VRK2: variants seen among roughly 807,000 people sequenced by gnomAD.
The protein encoded by VRK2 is serine/threonine-protein kinase VRK2.
Under a neutral mutation model 57.6 loss-of-function variants are expected in VRK2, and 60 were observed. That is an observed-to-expected ratio of 1.04 (90% CI 0.85 to 1.29). The LOEUF (loss-of-function observed/expected upper bound fraction) is 1.29. Among genes scored for constraint, VRK2 ranks in the 50% most tolerant of loss-of-function variants. The probability of loss-of-function intolerance (pLI) is 0.00; values close to 1 mark genes in which losing one functional copy is unlikely to be tolerated. For missense variants in VRK2, 705 were observed against 588.1 expected, an observed-to-expected ratio of 1.20 and a Z score of -2.06; for synonymous variants, 231 against 199.2, an observed-to-expected ratio of 1.16 and a Z score of -1.35.
intron 1 of VRK2, among the ~76,000 whole-genome samples, chr2:57,994,045 G>GAT (rs1305420053): frequency 6.6e-6 from 1 of 152,214 alleles, no homozygotes; most frequent in Non-Finnish European, 1.5e-5. Flanking sequence ...ATGCTACCAT[G>GAT]ATAAAGGCTC....
chr2:58,081,422 T>A (rs933897196), intron 2 of VRK2, among the ~76,000 whole-genome samples: 32 of 152,146 alleles, frequency 2.1e-4, no homozygotes, highest in African/African-American at 7.7e-4. Flanking sequence ...ATTTTAAATT[T>A]TATCATATTT....
At chr2:57,980,720 G>C (rs1672396607) in intron 1 of VRK2, among the ~76,000 whole-genome samples, 1 of 152,142 alleles carries the variant, frequency 6.6e-6, no homozygotes, top group African/African-American at 2.4e-5. Context: ...CTTCAGTGTT[G>C]GGTGCATATA....
At chr2:57,930,245 T>C (rs1255186051) in intron 1 of VRK2, among the ~76,000 whole-genome samples, 1 of 152,182 alleles carries the variant, frequency 6.6e-6, no homozygotes, top group Non-Finnish European at 1.5e-5. Flanking sequence ...TTCTAACTAT[T>C]GTGATGGGCA....
intron 2 of VRK2, among the ~76,000 whole-genome samples, chr2:58,075,084 CTTCT>C (rs900098551): frequency 6.6e-6 from 1 of 151,992 alleles, no homozygotes; most frequent in African/African-American, 2.4e-5. Context: ...CTTTTGTTCC[CTTCT>C]TTGTGTCCAT....
chr2:57,965,022 T>C (rs529332857), intron 1 of VRK2, among the ~76,000 whole-genome samples: 2 of 152,142 alleles, frequency 1.3e-5, no homozygotes, highest in Non-Finnish European at 1.5e-5. Context: ...TACATATTTG[T>C]TGAATACATA....
intron 2 of VRK2, among the ~76,000 whole-genome samples, chr2:58,070,131 TATTAA>T (rs751873904): frequency 5.9e-5 from 9 of 152,204 alleles, no homozygotes; most frequent in Non-Finnish European, 1.2e-4. Flanking sequence ...TGTTATAATT[TATTAA>T]ACAATATTGA....
At chr2:58,016,208 A>C (rs896635727) in intron 1 of VRK2, among the ~76,000 whole-genome samples, 2 of 151,238 alleles carry the variant, frequency 1.3e-5, no homozygotes, top group African/African-American at 2.5e-5. Context: ...TATAAGGATA[A>C]AATTTGTTAT....
At chr2:58,137,255 T>TATGTATCATATATATGATAC (rs1680674834) in intron 10 of VRK2, among the ~76,000 whole-genome samples, 1 of 21,028 alleles carries the variant, frequency 4.8e-5, no homozygotes, top group African/African-American at 8.0e-5. Context: ...ATATATGATA[T>TATGTATCATATATATGATAC]ATATGATATA....
At chr2:57,955,546 T>G (rs1241036294) in intron 1 of VRK2, among the ~76,000 whole-genome samples, 1 of 152,126 alleles carries the variant, frequency 6.6e-6, no homozygotes, top group Non-Finnish European at 1.5e-5. Context: ...CTGAAAGTGC[T>G]GAAGAACCAG....
At chr2:58,053,706 A>G (rs532935876) in intron 2 of VRK2, among the ~76,000 whole-genome samples, 3 of 152,284 alleles carry the variant, frequency 2.0e-5, no homozygotes, top group African/African-American at 7.2e-5. Context: ...GTTGGAATAC[A>G]TATTGCTTCA....
intron 1 of VRK2, among the ~76,000 whole-genome samples, chr2:57,908,189 A>G (rs883769): frequency 6.2e-4 from 94 of 152,340 alleles, no homozygotes; most frequent in Middle Eastern, 6.8e-3. Flanking sequence ...AAAGTTGTAC[A>G]TCGTATGTGG....
intron 1 of VRK2, among the ~76,000 whole-genome samples, chr2:57,992,144 T>C (rs2104085837): frequency 6.6e-6 from 1 of 152,304 alleles, no homozygotes; most frequent in African/African-American, 2.4e-5. Flanking sequence ...GGTATCAGTC[T>C]AGTTTAGGGT....
chr2:58,146,018 A>G lies in VRK2; in HGVS notation c.1024-298A>G, dbSNP rs574766522. Among the ~76,000 whole-genome samples, 7 of 152,126 alleles carry G rather than the reference A, an allele frequency of 4.6e-5. No individual in the cohort carries two copies. The East Asian group carries it at 7.7e-4, about 17-fold the overall frequency. On this transcript the variant is annotated intron_variant, in intron 11 of 12. Coordinates refer to ENST00000340157, the MANE Select transcript of VRK2 (RefSeq NM_006296.7). Reference sequence around the variant, plus strand: ...GTGCCACATTTTCTTAATCCAGTCTATCATTGATGCACATTTGGGTTGGTT... The same window carrying G: ...GTGCCACATTTTCTTAATCCAGTCTGTCATTGATGCACATTTGGGTTGGTT...
chr2:57,948,606 TA>T (rs901442126), intron 1 of VRK2, among the ~76,000 whole-genome samples: 7 of 149,976 alleles, frequency 4.7e-5, no homozygotes, highest in South Asian at 2.1e-4. Context: ...TAAGTGCTGG[TA>T]AAAAAAAAAT....
chr2:58,003,951 T>G (rs1306219145), intron 1 of VRK2, among the ~76,000 whole-genome samples: 5 of 152,272 alleles, frequency 3.3e-5, no homozygotes, highest in South Asian at 2.1e-4. Context: ...TAATTTATAC[T>G]TGCACTATTT....
chr2:57,968,388 C>G (rs1671986240), intron 1 of VRK2, among the ~76,000 whole-genome samples: 1 of 151,988 alleles, frequency 6.6e-6, no homozygotes, highest in Admixed American at 6.6e-5. Flanking sequence ...ATGGAGGAGG[C>G]TCACTATGAC....
intron 1 of VRK2, among the ~76,000 whole-genome samples, chr2:57,962,874 T>A (rs1671802492): frequency 6.6e-6 from 1 of 152,216 alleles, no homozygotes; most frequent in Non-Finnish European, 1.5e-5. Flanking sequence ...AATTGCACTT[T>A]ATTTCTAAGC....
chr2:58,137,161 T>TC (rs376212590), intron 10 of VRK2, among the ~76,000 whole-genome samples: 1 of 12,018 alleles, frequency 8.3e-5, no homozygotes, highest in Non-Finnish European at 2.9e-4. Flanking sequence ...TGTGTTTATA[T>TC]ATATCATATA....
intron 1 of VRK2, among the ~76,000 whole-genome samples, chr2:58,000,659 A>T (rs1673062450): frequency 1.3e-5 from 2 of 152,196 alleles, no homozygotes; most frequent in Admixed American, 1.3e-4. Flanking sequence ...CTTTTTCTAA[A>T]GAGCAAAAAT....
Sources: allele counts gnomAD v4.1 joint callset (sites outside exome capture counted in the v4.1 genomes callset), GRCh38; gene constraint gnomAD v4.1.1; transcripts MANE v1.5; gene names NCBI Gene and HGNC (gene_info 2026-07-23, HGNC 2026-07-21).